MALRD1: variants seen among roughly 807,000 people sequenced by gnomAD.
The protein encoded by MALRD1 is MAM and LDL-receptor class A domain-containing protein 1.
In MALRD1, 247 loss-of-function variants were observed where a neutral mutation model predicts 242.1. The ratio of observed to expected loss-of-function variants is 1.02; its 90% CI spans 0.92 to 1.13. The LOEUF (loss-of-function observed/expected upper bound fraction) is 1.13. MALRD1 is among the 50% of genes most tolerant of loss of function. MALRD1 has a pLI of 0.00. For missense variants in MALRD1, 2,989 were observed against 2,533.1 expected, an observed-to-expected ratio of 1.18 and a Z score of -3.86; for synonymous variants, 995 against 866.6, an observed-to-expected ratio of 1.15 and a Z score of -2.60.
intron 21 of MALRD1, among the ~76,000 whole-genome samples, chr10:19,321,714 C>T (rs986748734): frequency 6.6e-6 from 1 of 152,096 alleles, no homozygotes; most frequent in Non-Finnish European, 1.5e-5. Flanking sequence ...TTATCAAACA[C>T]TAGATCTTTT....
chr10:19,400,386 T>C (rs1488518443), intron 28 of MALRD1, among the ~76,000 whole-genome samples: 1 of 152,186 alleles, frequency 6.6e-6, no homozygotes, highest in African/African-American at 2.4e-5. Context: ...TGATTAAGTC[T>C]TTGTCTCCTG....
At chr10:19,651,292 A>G (rs1187093496) in intron 36 of MALRD1, among the ~76,000 whole-genome samples, 1 of 152,206 alleles carries the variant, frequency 6.6e-6, no homozygotes, top group South Asian at 2.1e-4. Context: ...GGGATGTGCT[A>G]TGGTGATCTA....
At chr10:19,343,293 A>C (rs887542949) in intron 24 of MALRD1, among the ~76,000 whole-genome samples, 31 of 152,108 alleles carry the variant, frequency 2.0e-4, no homozygotes, top group African/African-American at 7.5e-4. Context: ...GTGCAGAAAA[A>C]TACTATGTAC....
At chr10:19,721,790 C>G (rs1315961885) in intron 38 of MALRD1, 2 of 152,266 alleles carry the variant, frequency 1.3e-5, no homozygotes, top group Admixed American at 6.5e-5. Context: ...ATCTACTGCA[C>G]TCTGCTCATC....
At chr10:19,461,383 CT>C (rs1835935418) in intron 29 of MALRD1, among the ~76,000 whole-genome samples, 1 of 152,028 alleles carries the variant, frequency 6.6e-6, no homozygotes, top group African/African-American at 2.4e-5. Context: ...ACTTTTTGGT[CT>C]TTTAGTCTTT....
chr10:19,284,560 G>T (rs1012050864), intron 21 of MALRD1, among the ~76,000 whole-genome samples: 1 of 151,222 alleles, frequency 6.6e-6, no homozygotes, highest in African/African-American at 2.4e-5. Context: ...TTTCATCCAT[G>T]TCCCTACAAA....
At chr10:19,251,636 A>G (rs1335839074) in intron 18 of MALRD1, among the ~76,000 whole-genome samples, 2 of 152,022 alleles carry the variant, frequency 1.3e-5, no homozygotes, top group Non-Finnish European at 2.9e-5. Context: ...GTAAAATATC[A>G]GGCCCTTCAT....
intron 10 of MALRD1, among the ~76,000 whole-genome samples, chr10:19,144,545 C>T (rs1218229001): frequency 6.6e-6 from 1 of 152,000 alleles, no homozygotes; most frequent in East Asian, 1.9e-4. Context: ...CTTGAAGATG[C>T]TTTGATTATT....
In MALRD1 at chr10:19,722,856, A is replaced by T. The variant is rs567991597; in HGVS notation, c.6315-7850A>T. 4.6e-5 allele frequency among the ~76,000 whole-genome samples: 7 copies of T among 152,254 alleles called. No homozygotes were observed. In the South Asian group the frequency reaches 1.5e-3, roughly 32 times the overall value. ...AGCATTTTTATAAACATGTCATTTCATCTAAGAGACAGAAACCAACAGTTG... is the reference window on the plus strand; with the variant it reads ...AGCATTTTTATAAACATGTCATTTCTTCTAAGAGACAGAAACCAACAGTTG... On this transcript the variant is annotated intron_variant, in intron 38 of 39. Transcript: ENST00000454679.
intron 28 of MALRD1, among the ~76,000 whole-genome samples, chr10:19,429,888 C>T (rs1413464436): frequency 6.6e-6 from 1 of 152,118 alleles, no homozygotes; most frequent in Non-Finnish European, 1.5e-5. Flanking sequence ...TCCCTACCAT[C>T]TTTAAGATTC....
At chr10:19,229,350 G>A (rs1273698133) in intron 18 of MALRD1, among the ~76,000 whole-genome samples, 1 of 151,986 alleles carries the variant, frequency 6.6e-6, no homozygotes, top group Non-Finnish European at 1.5e-5. Context: ...ACTGATCAAT[G>A]AAACTTTTTC....
intron 29 of MALRD1, among the ~76,000 whole-genome samples, chr10:19,478,898 CA>C (rs1239511728): frequency 2.6e-5 from 4 of 152,308 alleles, no homozygotes; most frequent in Non-Finnish European, 4.4e-5. Flanking sequence ...GCCTTTTTAG[CA>C]ACCATTCTTA....
At chr10:19,249,695 G>T (rs899594631) in intron 18 of MALRD1, among the ~76,000 whole-genome samples, 1 of 151,858 alleles carries the variant, frequency 6.6e-6, no homozygotes, top group Non-Finnish European at 1.5e-5. Flanking sequence ...AAAATAAAAA[G>T]AAAATAGCCT....
intron 36 of MALRD1, among the ~76,000 whole-genome samples, chr10:19,637,039 A>G (rs1341692692): frequency 6.6e-6 from 1 of 152,180 alleles, no homozygotes; most frequent in Non-Finnish European, 1.5e-5. Context: ...GGATGAAATA[A>G]AAGTAAACTT....
intron 31 of MALRD1, among the ~76,000 whole-genome samples, chr10:19,510,605 C>T (rs957434411): frequency 6.6e-6 from 1 of 152,252 alleles, no homozygotes; most frequent in Non-Finnish European, 1.5e-5. Flanking sequence ...GTCGACACAG[C>T]ACATGTTTCT....
chr10:19,257,830 C>A (rs1839585648), intron 19 of MALRD1, 59 bp downstream of exon 19: 9 of 1,141,700 alleles, frequency 7.9e-6, no homozygotes, highest in Non-Finnish European at 8.5e-6. Flanking sequence ...GGAAAACTTG[C>A]AAGGAAATCA....
chr10:19,249,389 C>A, intron 18 of MALRD1, among the ~76,000 whole-genome samples: 1 of 150,930 alleles, frequency 6.6e-6, no homozygotes, highest in African/African-American at 2.4e-5. Flanking sequence ...GAAATATTAG[C>A]GTAATCAGTA....
intron 25 of MALRD1, among the ~76,000 whole-genome samples, chr10:19,350,434 C>A (rs929542607): frequency 2.0e-5 from 3 of 151,834 alleles, no homozygotes; most frequent in Admixed American, 6.6e-5. Context: ...CCACTCCTAG[C>A]TGTTTTTTGT....
At position 19,209,503 on chromosome 10, in the gene MALRD1, A is replaced by G. The variant is rs894741351; in HGVS notation, c.2814A>G (p.Thr938=). 1.3e-6 allele frequency: 2 copies of G among 1,550,740 alleles called. No homozygotes were observed. Among genetic ancestry groups the G allele is most frequent in the African/African-American group, 2.7e-5 (2 of 73,170 alleles). Reference sequence around the variant, plus strand: ...GCCCAATCCTTAATGCCACTGATACAAAAGGCTGCACCTTCCGCTTCTATT... The same window carrying G: ...GCCCAATCCTTAATGCCACTGATACGAAAGGCTGCACCTTCCGCTTCTATT... ...LLSPILNATD[T]KGCTFRFYYH... is the part of the protein sequence containing the mutation. Residue 938 remains threonine (T), a synonymous_variant, in exon 18 of 40, where the codon ACA becomes ACG. Transcript: ENST00000454679.
Sources: gnomAD v4.1 joint callset for allele counts (sites outside exome capture counted in the v4.1 genomes callset) on GRCh38, gnomAD v4.1.1 for gene constraint, MANE v1.5 for transcripts, NCBI Gene and HGNC (gene_info 2026-07-23, HGNC 2026-07-21) for gene names.